Variants in EGFLAM observed in about 807,000 individuals in gnomAD.
EGFLAM encodes pikachurin.
In EGFLAM, 79 loss-of-function variants were observed where a neutral mutation model predicts 113.1. The ratio of observed to expected loss-of-function variants is 0.70; its 90% CI spans 0.58 to 0.84. The LOEUF (loss-of-function observed/expected upper bound fraction) is 0.84. Among genes scored for constraint, EGFLAM ranks in the 40% least tolerant of loss-of-function variants. The pLI is 0.00. For synonymous variants in EGFLAM, 504 were observed against 487.6 expected (o/e 1.03, Z -0.44); for missense variants, 1,265 against 1,291.6 (o/e 0.98, Z 0.32).
At chr5:38,395,919 G>C (rs578010696) in intron 6 of EGFLAM, among the ~76,000 whole-genome samples, 1 of 152,066 alleles carries the variant, frequency 6.6e-6, no homozygotes, top group African/African-American at 2.4e-5. Context: ...TTTTCTAGCA[G>C]ATCATCCCCA....
intron 20 of EGFLAM, chr5:38,462,651 G>T: frequency 2.5e-6 from 1 of 398,412 alleles, no homozygotes; most frequent in Non-Finnish European, 4.7e-6. Flanking sequence ...TAATTCCACA[G>T]CACCCTTGTG....
intron 1 of EGFLAM, among the ~76,000 whole-genome samples, chr5:38,274,193 A>C (rs948120527): frequency 1.3e-5 from 2 of 152,220 alleles, no homozygotes; most frequent in Non-Finnish European, 2.9e-5. Flanking sequence ...GAAAGCTTAC[A>C]GTATTTATGG....
At chr5:38,277,461 A>G (rs1395156298) in intron 1 of EGFLAM, among the ~76,000 whole-genome samples, 1 of 141,172 alleles carries the variant, frequency 7.1e-6, no homozygotes, top group African/African-American at 2.6e-5. Flanking sequence ...AATACACTGA[A>G]CAAGGAAAAG....
intron 1 of EGFLAM, among the ~76,000 whole-genome samples, chr5:38,259,880 A>G (rs956869261): frequency 1.3e-5 from 2 of 152,228 alleles, no homozygotes; most frequent in East Asian, 3.8e-4. Context: ...GGGCAGAGAA[A>G]ATCGTCTTAG....
intron 1 of EGFLAM, among the ~76,000 whole-genome samples, chr5:38,263,025 C>A (rs1582919): frequency 0.41 from 62,715 of 151,978 alleles, 13,154 homozygotes; most frequent in Admixed American, 0.47. Flanking sequence ...TGATTCTATT[C>A]TAATAAGCAT....
Position 38,464,855 on chromosome 5 carries a change from C to T in EGFLAM, c.*869C>T, listed in dbSNP as rs961950093. 6.6e-6 allele frequency: 1 copy of T among 152,180 alleles called. No individual in the cohort carries two copies. The highest frequency in any genetic ancestry group is 1.5e-5 in the Non-Finnish European group (1 of 68,038). The allele number at this position is 152,180 out of a possible 1,614,324, so 9.4% of individuals were successfully genotyped here. On this transcript the variant is annotated 3_prime_UTR_variant, in exon 22 of 22. Coordinates refer to ENST00000322350, the MANE Select transcript of EGFLAM (RefSeq NM_152403.4). ...TGGGCAACTTGGGGAGCTGACCATT[C>T]TCTTTTGGTAAATGTTGACGGCTCA...
Position 38,456,752 on chromosome 5 carries a change from C to T in EGFLAM, c.2688-1559C>T, listed in dbSNP as rs1473239196. Among the ~76,000 whole-genome samples, 11 of 151,670 alleles carry T rather than the reference C, an allele frequency of 7.3e-5. No homozygotes were observed. In the East Asian group the frequency reaches 2.1e-3, roughly 29 times the overall value. On this transcript the variant is annotated intron_variant, in intron 19 of 21. Coordinates refer to ENST00000322350, the MANE Select transcript of EGFLAM (RefSeq NM_152403.4). ...TACATGCCAGTGCTTGTTAACTCAT[C>T]CAGATTTTCTCTCGACATCCCTCTC...
intron 1 of EGFLAM, among the ~76,000 whole-genome samples, chr5:38,297,326 G>A (rs1400712697): frequency 6.6e-6 from 1 of 152,132 alleles, no homozygotes; most frequent in African/African-American, 2.4e-5. Flanking sequence ...AAAGATAATG[G>A]TGTAGTTAAA....
intron 18 of EGFLAM, among the ~76,000 whole-genome samples, chr5:38,451,041 C>G (rs1349147525): frequency 6.6e-6 from 1 of 152,184 alleles, no homozygotes; most frequent in Admixed American, 6.5e-5. Flanking sequence ...TATGGGGGTG[C>G]AGCCTAAGCT....
intron 1 of EGFLAM, among the ~76,000 whole-genome samples, chr5:38,326,141 C>T (rs1293590199): frequency 1.3e-5 from 2 of 152,244 alleles, no homozygotes; most frequent in African/African-American, 4.8e-5. Flanking sequence ...GGCCTCTCTC[C>T]CCTCTCCCAG....
intron 1 of EGFLAM, among the ~76,000 whole-genome samples, chr5:38,328,401 T>G (rs1738944434): frequency 6.6e-6 from 1 of 152,190 alleles, no homozygotes; most frequent in South Asian, 2.1e-4. Flanking sequence ...ACCATATTAG[T>G]AGCCTTCTCT....
intron 1 of EGFLAM, among the ~76,000 whole-genome samples, chr5:38,272,152 T>C (rs1049179870): frequency 6.6e-6 from 1 of 151,990 alleles, no homozygotes; most frequent in African/African-American, 2.4e-5. Flanking sequence ...AATAGTGGGG[T>C]TTTAAGGAGA....
At chr5:38,343,977 A>T (rs1309827541) in intron 3 of EGFLAM, among the ~76,000 whole-genome samples, 1 of 152,166 alleles carries the variant, frequency 6.6e-6, no homozygotes, top group Admixed American at 6.5e-5. Context: ...GCTCTATTCA[A>T]TTCATGCCTC....
intron 17 of EGFLAM, among the ~76,000 whole-genome samples, chr5:38,444,598 A>AT (rs899891881): frequency 1.2e-4 from 18 of 152,242 alleles, no homozygotes; most frequent in Admixed American, 5.9e-4. Context: ...TGTCAATTAA[A>AT]TTTTTTTCAA....
intron 5 of EGFLAM, among the ~76,000 whole-genome samples, chr5:38,364,813 A>C (rs7724351): frequency 0.04 from 6,164 of 152,226 alleles, 418 homozygotes; most frequent in African/African-American, 0.14. Flanking sequence ...GGAGGAAAGT[A>C]TTTTTAATTC....
intron 6 of EGFLAM, among the ~76,000 whole-genome samples, chr5:38,374,919 A>C (rs1012150020): frequency 6.6e-6 from 1 of 152,126 alleles, no homozygotes; most frequent in African/African-American, 2.4e-5. Flanking sequence ...AGGTGGTTTC[A>C]TTGTCCTTTG....
In EGFLAM at chr5:38,338,705, A is replaced by G. The variant is rs184744980; in HGVS notation, c.215A>G (p.Tyr72Cys). 5.1e-4 allele frequency: 816 copies of G among 1,614,068 alleles called. 2 individuals carry two copies. The highest frequency in any genetic ancestry group is 3.4e-4 in the Non-Finnish European group (398 of 1,179,994). ...GSPILGYTVF[Y>C]SEVGADKSLQ... ...TGTCTGCATCTTTTCAAGGTCTTTT[A>G]CTCTGAGGTTGGCGCAGATAAATCC... The change falls in exon 3 of 22, where the codon TAC becomes TGC. Residue 72 changes from tyrosine to cysteine, a missense_variant. By Grantham distance (194) the Tyr-to-Cys change is radical. Coordinates refer to ENST00000322350, the MANE Select transcript of EGFLAM (RefSeq NM_152403.4).
At chr5:38,355,534 G>A (rs945620219) in intron 5 of EGFLAM, among the ~76,000 whole-genome samples, 2 of 152,138 alleles carry the variant, frequency 1.3e-5, no homozygotes, top group African/African-American at 4.8e-5. Context: ...TCTGTAAAAC[G>A]TGGGCGATGA....
At chr5:38,368,669 G>A (rs1445433807) in intron 5 of EGFLAM, among the ~76,000 whole-genome samples, 1 of 152,126 alleles carries the variant, frequency 6.6e-6, no homozygotes, top group Non-Finnish European at 1.5e-5. Context: ...ACACCTGAGA[G>A]GTGGCCAGGG....
Sources: gnomAD v4.1 joint callset for allele counts (sites outside exome capture counted in the v4.1 genomes callset) on GRCh38, gnomAD v4.1.1 for gene constraint, MANE v1.5 for transcripts, NCBI Gene and HGNC (gene_info 2026-07-23, HGNC 2026-07-21) for gene names.